MIPOL1: variants seen among roughly 807,000 people sequenced by gnomAD.
The protein encoded by MIPOL1 is mirror-image polydactyly 1, also known as mirror-image polydactyly gene 1 protein.
A neutral mutation model predicts 60.9 loss-of-function variants in MIPOL1; 57 were observed. That is an observed-to-expected ratio of 0.94 (90% CI 0.76 to 1.17). The LOEUF (loss-of-function observed/expected upper bound fraction) is 1.17. MIPOL1 is among the 50% of genes most tolerant of loss of function. The pLI is 0.00. For synonymous variants in MIPOL1, 179 were observed against 168.8 expected (o/e 1.06, Z -0.47); for missense variants, 551 against 511.6 (o/e 1.08, Z -0.74).
intron 9 of MIPOL1, among the ~76,000 whole-genome samples, chr14:37,323,731 C>G (rs1218880680): frequency 6.6e-6 from 1 of 151,958 alleles, no homozygotes; most frequent in East Asian, 1.9e-4. Flanking sequence ...ATTTCCATAG[C>G]CTTAGAAAGT....
chr14:37,547,256 A>T lies in MIPOL1; in HGVS notation c.*285A>T. ...TTTATATCTCAATATCTTTAATATAAATCTTTTTACTGAGAGATCATTATA... is the reference window on the plus strand; with the variant it reads ...TTTATATCTCAATATCTTTAATATATATCTTTTTACTGAGAGATCATTATA... On this transcript the variant is annotated 3_prime_UTR_variant, in exon 13 of 13. Transcript: ENST00000684589. The T allele has an allele frequency of 3.2e-6, 1 of 313,666 alleles. No homozygotes were observed. Among genetic ancestry groups the T allele is most frequent in the Non-Finnish European group, 5.9e-6 (1 of 170,920 alleles). 19.4% of individuals were successfully genotyped at this position (313,666 alleles called of 1,614,324 possible). A position where few individuals can be genotyped will look rare whatever the true frequency, so the allele number is the denominator to read the frequency against.
intron 9 of MIPOL1, among the ~76,000 whole-genome samples, chr14:37,365,607 G>GC (rs2092445270): frequency 1.3e-5 from 2 of 151,858 alleles, no homozygotes; most frequent in South Asian, 4.1e-4. Flanking sequence ...GACCACGTTT[G>GC]CTAGTATTTT....
intron 9 of MIPOL1, among the ~76,000 whole-genome samples, chr14:37,359,216 G>T (rs147947844): frequency 1.3e-5 from 2 of 152,166 alleles, no homozygotes; most frequent in South Asian, 4.1e-4. Context: ...TACCAGTACC[G>T]TGCTGTTTTG....
chr14:37,527,111 T>C (rs1363098111), intron 12 of MIPOL1, among the ~76,000 whole-genome samples: 1 of 152,128 alleles, frequency 6.6e-6, no homozygotes, highest in East Asian at 1.9e-4. Flanking sequence ...GGACAAAAAA[T>C]TGTTTATAAA....
At chr14:37,506,111 C>G (rs2095273426) in intron 12 of MIPOL1, 1 of 152,094 alleles carries the variant, frequency 6.6e-6, no homozygotes, top group Non-Finnish European at 1.5e-5. Context: ...AGGACACAGA[C>G]AAATAGAAGT....
intron 11 of MIPOL1, among the ~76,000 whole-genome samples, chr14:37,459,301 A>G (rs748571758): frequency 2.0e-4 from 31 of 152,158 alleles, no homozygotes; most frequent in Non-Finnish European, 3.8e-4. Flanking sequence ...AAGAGAGAAG[A>G]TTCACATAAG....
At chr14:37,388,086 A>T (rs1429918069) in intron 10 of MIPOL1, among the ~76,000 whole-genome samples, 1 of 151,932 alleles carries the variant, frequency 6.6e-6, no homozygotes, top group Non-Finnish European at 1.5e-5. Context: ...GATTAGGAAA[A>T]ACATTATGTA....
In MIPOL1 at chr14:37,314,328, G is replaced by C. The variant is rs575712635; in HGVS notation, c.828+5809G>C. 2.4e-3 allele frequency among the ~76,000 whole-genome samples: 368 copies of C among 152,214 alleles called. 2 individuals carry two copies. Among genetic ancestry groups the C allele is most frequent in the African/African-American group, 7.2e-3 (297 of 41,536 alleles). On this transcript the variant is annotated intron_variant, in intron 9 of 12. Coordinates refer to ENST00000684589, the MANE Select transcript of MIPOL1 (RefSeq NM_001388067.1). ...AAGAAATTCAGCTAAACATTTCACT[G>C]TTCAGATTCCTTTACCAATATAGGC...
At chr14:37,360,068 A>C (rs1325480471) in intron 9 of MIPOL1, among the ~76,000 whole-genome samples, 1 of 152,058 alleles carries the variant, frequency 6.6e-6, no homozygotes, top group Non-Finnish European at 1.5e-5. Context: ...TCTGCATCTA[A>C]TGAGACAATC....
intron 1 of MIPOL1, among the ~76,000 whole-genome samples, chr14:37,216,627 A>G (rs577673505): frequency 7.9e-5 from 12 of 152,342 alleles, no homozygotes; most frequent in Admixed American, 2.0e-4. Flanking sequence ...TAATAACAAG[A>G]TGAATTTTGG....
chr14:37,280,912 G>C (rs1452354401), intron 6 of MIPOL1, among the ~76,000 whole-genome samples: 1 of 152,000 alleles, frequency 6.6e-6, no homozygotes, highest in East Asian at 1.9e-4. Context: ...TATATTTTTG[G>C]TATTATTCTT....
At chr14:37,270,383 C>A in intron 5 of MIPOL1, 37 bp from the exon 6 acceptor site, 1 of 1,121,316 alleles carries the variant, frequency 8.9e-7, no homozygotes, top group Non-Finnish European at 1.2e-6. Context: ...AGACATTTGT[C>A]AAATAAGAAT....
At chr14:37,260,236 C>CAAAAAA (rs2082424853) in intron 3 of MIPOL1, among the ~76,000 whole-genome samples, 1 of 139,504 alleles carries the variant, frequency 7.2e-6, no homozygotes. Flanking sequence ...AGTGAGATCT[C>CAAAAAA]ATCTAAAAAA....
chr14:37,277,817 T>G (rs2083795727), intron 6 of MIPOL1: 1 of 151,418 alleles, frequency 6.6e-6, no homozygotes, highest in South Asian at 2.1e-4. Context: ...TACAAAGATA[T>G]CCATTACAGT....
chr14:37,480,524 A>C (rs2094846759), intron 11 of MIPOL1, among the ~76,000 whole-genome samples: 1 of 151,708 alleles, frequency 6.6e-6, no homozygotes, highest in Non-Finnish European at 1.5e-5. Flanking sequence ...AAAAAAAAAA[A>C]CTCTCACCAA....
intron 1 of MIPOL1, among the ~76,000 whole-genome samples, chr14:37,203,930 A>G (rs535091414): frequency 1.3e-5 from 2 of 152,160 alleles, no homozygotes; most frequent in South Asian, 4.2e-4. Flanking sequence ...CTGCAGGCAC[A>G]TGCCACCACG....
At chr14:37,364,305 A>C (rs2092394582) in intron 9 of MIPOL1, among the ~76,000 whole-genome samples, 1 of 152,198 alleles carries the variant, frequency 6.6e-6, no homozygotes, top group Non-Finnish European at 1.5e-5. Context: ...ACCAGCTTAG[A>C]CCAATGTCCT....
At chr14:37,536,841 A>G (rs776573773) in intron 12 of MIPOL1, among the ~76,000 whole-genome samples, 2 of 152,206 alleles carry the variant, frequency 1.3e-5, no homozygotes, top group Non-Finnish European at 2.9e-5. Flanking sequence ...TTTAAGAACC[A>G]TAATAATTTT....
intron 12 of MIPOL1, among the ~76,000 whole-genome samples, chr14:37,542,244 T>G (rs554275624): frequency 5.3e-5 from 8 of 152,188 alleles, no homozygotes; most frequent in Non-Finnish European, 8.8e-5. Flanking sequence ...CTACTCTTGG[T>G]TCATCTTTTA....
Sources: gnomAD v4.1 joint callset for allele counts (sites outside exome capture counted in the v4.1 genomes callset) on GRCh38, gnomAD v4.1.1 for gene constraint, MANE v1.5 for transcripts, NCBI Gene and HGNC (gene_info 2026-07-23, HGNC 2026-07-21) for gene names.